MYO3B: variants seen among roughly 807,000 people sequenced by gnomAD.
MYO3B encodes the protein myosin-IIIb.
In MYO3B, 156 loss-of-function variants were observed where a neutral mutation model predicts 174.6. The ratio of observed to expected loss-of-function variants is 0.89; its 90% CI spans 0.78 to 1.02. The LOEUF (loss-of-function observed/expected upper bound fraction) is 1.02. MYO3B is among the 50% of genes least tolerant of loss of function. MYO3B has a pLI of 0.00. For missense variants in MYO3B, 1,632 were observed against 1,639.4 expected (o/e 1.00, Z 0.08); for synonymous variants, 563 against 569.1 (o/e 0.99, Z 0.15).
intron 28 of MYO3B, among the ~76,000 whole-genome samples, chr2:170,502,240 C>T (rs534502391): frequency 6.6e-6 from 1 of 152,182 alleles, no homozygotes; most frequent in Admixed American, 6.5e-5. Context: ...ATACTGCCAC[C>T]TGAACAAAAC....
intron 32 of MYO3B, among the ~76,000 whole-genome samples, chr2:170,560,456 A>G (rs79510029): frequency 0.018 from 2,760 of 152,290 alleles, 36 homozygotes; most frequent in Non-Finnish European, 0.03. Context: ...GTCTACCCAG[A>G]CACCAGGCTG....
chr2:170,288,154 G>A (rs568777643), intron 7 of MYO3B, among the ~76,000 whole-genome samples: 6 of 151,886 alleles, frequency 4.0e-5, no homozygotes, highest in Non-Finnish European at 7.4e-5. Flanking sequence ...GTCAGAGAGT[G>A]TGGTGCCTCC....
At chr2:170,525,240 A>C (rs1354297220) in intron 30 of MYO3B, among the ~76,000 whole-genome samples, 1 of 152,210 alleles carries the variant, frequency 6.6e-6, no homozygotes, top group African/African-American at 2.4e-5. Flanking sequence ...TCAAGTTGAA[A>C]GTAAAAGTGA....
In MYO3B at chr2:170,181,687, C is replaced by T. The variant is rs145241163; in HGVS notation, c.2+3398C>T. On this transcript the variant is annotated intron_variant, in intron 1 of 34. Transcript: ENST00000408978. ...TTTTTTGTGAATGCTTTTTCTGCAT[C>T]GATCGAGATGATGGTTTTTCTTTTA... 2.4e-3 allele frequency among the ~76,000 whole-genome samples: 361 copies of T among 152,182 alleles called. 4 individuals carry two copies. Among genetic ancestry groups the T allele is most frequent in the East Asian group, 0.015 (76 of 5,186 alleles).
intron 33 of MYO3B, 114 bp downstream of exon 33, chr2:170,651,848 C>T (rs1370512287): frequency 2.8e-6 from 2 of 726,664 alleles, no homozygotes; most frequent in African/African-American, 3.7e-5. Flanking sequence ...ATGCTCTCGT[C>T]TTGAACATGT....
At position 170,382,382 on chromosome 2, in the gene MYO3B, A is replaced by G. The variant is rs931600789; in HGVS notation, c.1068+270A>G. On this transcript the variant is annotated intron_variant, in intron 10 of 34. Coordinates refer to ENST00000408978, the MANE Select transcript of MYO3B (RefSeq NM_138995.5). ...TGTAGCCTTAATGATGGATTATATC[A>G]GCTGAAAATATTTTGTTTGATAAAA... 3 of 266,904 alleles carry G rather than the reference A, an allele frequency of 1.1e-5. No individual in the cohort carries two copies. In the East Asian group the frequency reaches 1.9e-4, roughly 17 times the overall value. The allele number at this position is 266,904 out of a possible 1,614,324, so 16.5% of individuals were successfully genotyped here. A position where few individuals can be genotyped will look rare whatever the true frequency, so the allele number is the denominator to read the frequency against.
intron 22 of MYO3B, among the ~76,000 whole-genome samples, chr2:170,419,565 A>G (rs2094602290): frequency 6.6e-6 from 1 of 152,202 alleles, no homozygotes; most frequent in African/African-American, 2.4e-5. Flanking sequence ...AGAAGAAACA[A>G]CTCAGCTGGT....
intron 6 of MYO3B, among the ~76,000 whole-genome samples, chr2:170,233,658 G>C (rs966814398): frequency 9.2e-5 from 14 of 152,182 alleles, no homozygotes; most frequent in South Asian, 6.2e-4. Flanking sequence ...GATGGGGCTG[G>C]GGCCAGGCCA....
rs991450911 is a variant in MYO3B at position 170,307,952 on chromosome 2, C to T, written c.750-27433C>T. On this transcript the variant is annotated intron_variant, in intron 7 of 34. Transcript: ENST00000408978. The stretch of plus-strand genomic sequence containing the variant: ...TCTGGTCCAGAGTCGATCCCTGCCT[C>T]CTACTTCAGAAATAGGAAGGCAAGA... Among the ~76,000 whole-genome samples the T allele has an allele frequency of 3.3e-5, 5 of 152,120 alleles. No homozygotes were observed. The South Asian group carries it at 8.3e-4, about 25-fold the overall frequency.
intron 6 of MYO3B, among the ~76,000 whole-genome samples, chr2:170,220,983 T>C (rs2092892313): frequency 6.6e-6 from 1 of 152,206 alleles, no homozygotes; most frequent in South Asian, 2.1e-4. Flanking sequence ...AGTCTCTTTT[T>C]GCGCCATAAT....
chr2:170,617,911 A>C (rs1575257555), intron 32 of MYO3B, among the ~76,000 whole-genome samples: 1 of 152,180 alleles, frequency 6.6e-6, no homozygotes, highest in Admixed American at 6.5e-5. Context: ...TTTGAAGACA[A>C]GTTGAGAGGA....
At chr2:170,362,562 C>A in intron 8 of MYO3B, among the ~76,000 whole-genome samples, 1 of 152,116 alleles carries the variant, frequency 6.6e-6, no homozygotes, top group South Asian at 2.1e-4. Flanking sequence ...TCCATCCTAC[C>A]TTCTTGGGGA....
chr2:170,426,247 G>A (rs2094659658), intron 22 of MYO3B, among the ~76,000 whole-genome samples: 1 of 151,772 alleles, frequency 6.6e-6, no homozygotes, highest in Non-Finnish European at 1.5e-5. Flanking sequence ...GCTGAGGCGA[G>A]AGGATTGCTT....
chr2:170,554,797 C>T (rs1575157905), intron 32 of MYO3B, among the ~76,000 whole-genome samples: 1 of 152,144 alleles, frequency 6.6e-6, no homozygotes, highest in Non-Finnish European at 1.5e-5. Flanking sequence ...CAACACAAGG[C>T]GGGTGGTGTG....
intron 19 of MYO3B, 102 bp downstream of exon 19, chr2:170,403,097 C>T: frequency 8.6e-7 from 1 of 1,167,762 alleles, no homozygotes; most frequent in Non-Finnish European, 1.2e-6. Flanking sequence ...ACTAAAAGAC[C>T]CTAGAGAGAA....
chr2:170,464,825 A>C (rs924290089), intron 24 of MYO3B, among the ~76,000 whole-genome samples: 3 of 151,936 alleles, frequency 2.0e-5, no homozygotes, highest in African/African-American at 7.3e-5. Context: ...TTAGTCTGTT[A>C]GTCCATTTTA....
intron 7 of MYO3B, among the ~76,000 whole-genome samples, chr2:170,270,609 A>G (rs2093418487): frequency 6.6e-6 from 1 of 152,196 alleles, no homozygotes; most frequent in Non-Finnish European, 1.5e-5. Flanking sequence ...TGCACAGTTT[A>G]GTCTCCTGTC....
rs1559207528 is a variant in MYO3B, at chr2:170,653,049, T to C, written c.3954T>C (p.Pro1318=). ...CTCTGTCACCAGTGGACTGTATCCC[T>C]GAGGAGAACAACTCAGCCCACCCTT... ...YKSLSPVDCI[P]EENNSAHPSF... Residue 1318 remains proline (P), a synonymous_variant, in exon 35 of 35, where the codon CCT becomes CCC. Transcript: ENST00000408978. The C allele has an allele frequency of 6.2e-7, 1 of 1,614,208 alleles. No individual in the cohort carries two copies. The highest frequency in any genetic ancestry group is 8.5e-7 in the Non-Finnish European group (1 of 1,180,008).
chr2:170,506,487 CT>C (rs1239569155), intron 28 of MYO3B, among the ~76,000 whole-genome samples: 1 of 152,222 alleles, frequency 6.6e-6, no homozygotes, highest in Non-Finnish European at 1.5e-5. Context: ...CTTTCATTCA[CT>C]TACTTAACTA....
Sources: gnomAD v4.1 joint callset for allele counts (sites outside exome capture counted in the v4.1 genomes callset) on GRCh38, gnomAD v4.1.1 for gene constraint, MANE v1.5 for transcripts, NCBI Gene and HGNC (gene_info 2026-07-23, HGNC 2026-07-21) for gene names.